FRMD6: variants seen among roughly 807,000 people sequenced by gnomAD.
The protein encoded by FRMD6 is FERM domain-containing protein 6.
FRMD6 carries 37 observed loss-of-function variants against 73.2 expected under a neutral mutation model. The observed-to-expected ratio is 0.51, with a 90% confidence interval of 0.39 to 0.66. The LOEUF is 0.66. FRMD6 is among the 30% of genes least tolerant of loss of function. The pLI is 0.00. For missense variants in FRMD6, 714 were observed against 780.5 expected, an observed-to-expected ratio of 0.91 and a Z score of 1.02; for synonymous variants, 273 against 282.2, an observed-to-expected ratio of 0.97 and a Z score of 0.33.
At chr14:51,687,017 G>A (rs1299028024) in intron 1 of FRMD6, among the ~76,000 whole-genome samples, 1 of 152,076 alleles carries the variant, frequency 6.6e-6, no homozygotes, top group Non-Finnish European at 1.5e-5. Flanking sequence ...AAGCAGCAAT[G>A]AAGCAGTGCT....
At chr14:51,505,532 GC>G (rs1275097106) in intron 1 of FRMD6, among the ~76,000 whole-genome samples, 2 of 152,178 alleles carry the variant, frequency 1.3e-5, no homozygotes, top group East Asian at 1.9e-4. Flanking sequence ...TAGGGGAAGA[GC>G]TTTTGGCAAT....
chr14:51,425,898 T>C, the FRMD6 span, among the ~76,000 whole-genome samples: 8 of 152,368 alleles, frequency 5.3e-5, no homozygotes, highest in African/African-American at 1.7e-4. Flanking sequence ...AGTCTGTTTT[T>C]TTCAGCACTG....
chr14:51,608,284 G>A (rs1442723482), intron 2 of FRMD6, among the ~76,000 whole-genome samples: 1 of 152,126 alleles, frequency 6.6e-6, no homozygotes, highest in Non-Finnish European at 1.5e-5. Context: ...AAACAACACA[G>A]ACATAATCAG....
the FRMD6 span, among the ~76,000 whole-genome samples, chr14:51,479,568 A>C: frequency 6.6e-6 from 1 of 152,232 alleles, no homozygotes. Flanking sequence ...GTGTTTCTTC[A>C]TCTGCAAAAC....
chr14:51,546,213 G>A (rs931087714), intron 1 of FRMD6, among the ~76,000 whole-genome samples: 1 of 152,164 alleles, frequency 6.6e-6, no homozygotes, highest in Non-Finnish European at 1.5e-5. Context: ...AAAATCAAAG[G>A]ATAGGTCTGT....
chr14:51,727,854 C>T lies in FRMD6; in HGVS notation c.1694C>T (p.Thr565Ile), dbSNP rs1898066621. The change falls in exon 14 of 14, where the codon ACT (threonine) becomes ATT (isoleucine). Residue 565 changes from threonine (T) to isoleucine (I), a missense_variant. Physicochemically the swap from Thr to Ile is moderately conservative, Grantham distance 89 (BLOSUM62 -1). Coordinates refer to ENST00000344768, the MANE Select transcript of FRMD6 (RefSeq NM_001267046.2). The stretch of plus-strand genomic sequence containing the variant: ...CGCATTGCAGGTCTGTGTCAGGACA[C>T]TGCTCAGAGTTACACCTTTGGATGT... ...FLRIAGLCQD[T>I]AQSYTFGCGH... 3 of 1,614,228 alleles carry T rather than the reference C, an allele frequency of 1.9e-6. No homozygotes were observed. In the East Asian group the frequency reaches 6.7e-5, roughly 36 times the overall value.
chr14:51,442,309 T>G, the FRMD6 span, among the ~76,000 whole-genome samples: 2 of 152,252 alleles, frequency 1.3e-5, no homozygotes, highest in South Asian at 4.2e-4. Context: ...CTCCTTTCTC[T>G]TTCTCTTCTC....
the FRMD6 span, among the ~76,000 whole-genome samples, chr14:51,477,744 T>C: frequency 5.3e-4 from 3 of 5,620 alleles, no homozygotes; most frequent in Admixed American, 2.5e-3. Context: ...TTTCTTTTTT[T>C]TTTTTTTTTT....
Position 51,495,820 on chromosome 14 carries a change from A to G in FRMD6, c.-210+6400A>G, listed in dbSNP as rs148227936. Among the ~76,000 whole-genome samples, 3 of 152,358 alleles carry G rather than the reference A, an allele frequency of 2.0e-5. No individual in the cohort carries two copies. In the East Asian group the frequency reaches 5.8e-4, roughly 29 times the overall value. ...AAGAAAACTAGGTGAAGAAGCCATG[A>G]TAAACAGAGGTGTAATGGATGATAT... On this transcript the variant is annotated intron_variant, in intron 1 of 14. Transcript: ENST00000356218.
At chr14:51,487,119 C>T (rs538442032), upstream of FRMD6, among the ~76,000 whole-genome samples, 1 of 152,064 alleles carries the variant, frequency 6.6e-6, no homozygotes, top group Non-Finnish European at 1.5e-5. Context: ...CCAATGAATG[C>T]TCAAGTTGAA....
chr14:51,472,592 C>G, the FRMD6 span, among the ~76,000 whole-genome samples: 1 of 152,112 alleles, frequency 6.6e-6, no homozygotes, highest in East Asian at 1.9e-4. Context: ...TGTGAGCCTC[C>G]GCACCCAGCC....
intron 1 of FRMD6, among the ~76,000 whole-genome samples, chr14:51,661,696 G>C (rs1181346123): frequency 2.0e-5 from 3 of 152,210 alleles, no homozygotes; most frequent in African/African-American, 2.4e-5. Flanking sequence ...ACTGAGAGTT[G>C]CTCATTGGAT....
At chr14:51,503,466 A>T (rs1883738383) in intron 1 of FRMD6, among the ~76,000 whole-genome samples, 2 of 152,318 alleles carry the variant, frequency 1.3e-5, no homozygotes, top group South Asian at 4.1e-4. Context: ...ATAGGCATCT[A>T]TTGAGATAAT....
At chr14:51,538,287 G>A (rs894375807) in intron 1 of FRMD6, among the ~76,000 whole-genome samples, 5 of 151,840 alleles carry the variant, frequency 3.3e-5, no homozygotes, top group Admixed American at 6.6e-5. Context: ...AATATATATT[G>A]TAGTTATAAG....
intron 2 of FRMD6, among the ~76,000 whole-genome samples, chr14:51,612,795 A>G (rs886388167): frequency 4.5e-4 from 68 of 152,150 alleles, no homozygotes; most frequent in Admixed American, 4.1e-3. Context: ...TATTAAATAA[A>G]CCCCTACCAG....
At chr14:51,660,059 C>T (rs758815983) in intron 1 of FRMD6, among the ~76,000 whole-genome samples, 4 of 152,094 alleles carry the variant, frequency 2.6e-5, no homozygotes, top group Non-Finnish European at 2.9e-5. Flanking sequence ...TGTTAAAGGG[C>T]GGGGGACCTA....
At chr14:51,658,190 A>G (rs1453337149) in intron 1 of FRMD6, among the ~76,000 whole-genome samples, 1 of 152,200 alleles carries the variant, frequency 6.6e-6, no homozygotes, top group African/African-American at 2.4e-5. Flanking sequence ...AAGGTATTCT[A>G]TGGCTCTGTT....
At chr14:51,551,629 T>C (rs1370336931) in intron 1 of FRMD6, among the ~76,000 whole-genome samples, 1 of 151,974 alleles carries the variant, frequency 6.6e-6, no homozygotes, top group Non-Finnish European at 1.5e-5. Flanking sequence ...CCCAGCTACT[T>C]GGGGGGCTGA....
intron 7 of FRMD6, among the ~76,000 whole-genome samples, chr14:51,708,621 C>T (rs1229718002): frequency 1.3e-5 from 2 of 152,044 alleles, no homozygotes; most frequent in African/African-American, 4.8e-5. Flanking sequence ...GAAGCTATAC[C>T]TGCGTTGTAT....
Sources: allele counts gnomAD v4.1 joint callset (sites outside exome capture counted in the v4.1 genomes callset), GRCh38; gene constraint gnomAD v4.1.1; transcripts MANE v1.5; gene names NCBI Gene and HGNC (gene_info 2026-07-23, HGNC 2026-07-21).